Variants in MARCHF1 observed in about 807,000 individuals in gnomAD.
MARCHF1 encodes the protein E3 ubiquitin-protein ligase MARCHF1.
A neutral mutation model predicts 54.2 loss-of-function variants in MARCHF1; 40 were observed. That is an observed-to-expected ratio of 0.74 (90% CI 0.57 to 0.96). MARCHF1 has a LOEUF of 0.96. Among genes scored for constraint, MARCHF1 ranks in the 40% least tolerant of loss-of-function variants. The pLI, the probability that MARCHF1 is intolerant of heterozygous loss-of-function variation, is 0.00. For synonymous variants in MARCHF1, 236 were observed against 236.3 expected (o/e 1.00, Z 0.01); for missense variants, 586 against 656.5 (o/e 0.89, Z 1.17).
intron 5 of MARCHF1, among the ~76,000 whole-genome samples, chr4:163,650,192 T>C (rs2111067182): frequency 6.6e-6 from 1 of 151,998 alleles, no homozygotes; most frequent in South Asian, 2.1e-4. Flanking sequence ...TGTATGGAAA[T>C]CTCTATAACT....
intron 2 of MARCHF1, among the ~76,000 whole-genome samples, chr4:164,005,305 T>C (rs1390877039): frequency 6.6e-6 from 1 of 152,156 alleles, no homozygotes; most frequent in Non-Finnish European, 1.5e-5. Flanking sequence ...AAATTAATAA[T>C]TTAAAACTTT....
chr4:163,917,449 G>A (rs772854041), intron 3 of MARCHF1, among the ~76,000 whole-genome samples: 2 of 151,928 alleles, frequency 1.3e-5, no homozygotes, highest in African/African-American at 2.4e-5. Context: ...CCAGATTTTG[G>A]CCTTTCTAAT....
chr4:163,962,574 C>T (rs1231474120), intron 3 of MARCHF1, among the ~76,000 whole-genome samples: 1 of 151,832 alleles, frequency 6.6e-6, no homozygotes, highest in African/African-American at 2.4e-5. Flanking sequence ...TGTACTACAA[C>T]TGTGAAGGAA....
chr4:164,140,275 T>C (rs1756498566), intron 1 of MARCHF1, among the ~76,000 whole-genome samples: 1 of 148,522 alleles, frequency 6.7e-6, no homozygotes, highest in African/African-American at 2.5e-5. Context: ...CTGACCCAAT[T>C]GTCCTATAGA....
chr4:163,756,013 T>G (rs1176625699), intron 4 of MARCHF1, among the ~76,000 whole-genome samples: 2 of 152,262 alleles, frequency 1.3e-5, no homozygotes, highest in Non-Finnish European at 2.9e-5. Context: ...TTATATAATT[T>G]GACCTTGCCC....
intron 3 of MARCHF1, among the ~76,000 whole-genome samples, chr4:163,935,702 C>CTTTTTTTT (rs34331599): frequency 4.8e-5 from 6 of 125,700 alleles, no homozygotes; most frequent in South Asian, 2.5e-4. Context: ...TGCTTGCTTT[C>CTTTTTTTT]TTTTTTTTTT....
chr4:163,858,223 G>A (rs1749824064), intron 3 of MARCHF1, among the ~76,000 whole-genome samples: 1 of 152,128 alleles, frequency 6.6e-6, no homozygotes, highest in Non-Finnish European at 1.5e-5. Flanking sequence ...TGGCAGCCCT[G>A]CTGGGCTGAT....
chr4:164,071,655 C>T (rs1754869522), intron 2 of MARCHF1, among the ~76,000 whole-genome samples: 1 of 151,986 alleles, frequency 6.6e-6, no homozygotes, highest in South Asian at 2.1e-4. Context: ...TGTTCTGTTC[C>T]TTTGAGATGT....
intron 2 of MARCHF1, among the ~76,000 whole-genome samples, chr4:164,076,926 A>T (rs996014798): frequency 1.3e-5 from 2 of 152,342 alleles, no homozygotes; most frequent in East Asian, 3.9e-4. Flanking sequence ...GGATAGGAAG[A>T]ATCAGTATCG....
At chr4:163,768,842 C>T (rs1021879372) in intron 4 of MARCHF1, among the ~76,000 whole-genome samples, 2 of 152,138 alleles carry the variant, frequency 1.3e-5, no homozygotes, top group African/African-American at 4.8e-5. Context: ...AATCATTCAA[C>T]ATAGGGGGAT....
intron 1 of MARCHF1, among the ~76,000 whole-genome samples, chr4:164,227,259 G>A (rs1377423465): frequency 6.6e-6 from 1 of 152,018 alleles, no homozygotes; most frequent in African/African-American, 2.4e-5. Context: ...TCAAGCAGAG[G>A]AAATGCCAGA....
chr4:164,054,253 A>G (rs1263407407), intron 2 of MARCHF1, among the ~76,000 whole-genome samples: 1 of 151,998 alleles, frequency 6.6e-6, no homozygotes, highest in Non-Finnish European at 1.5e-5. Context: ...TAGAATGGCA[A>G]TCATTAAAAA....
chr4:164,061,672 A>G (rs1298115105), intron 2 of MARCHF1, among the ~76,000 whole-genome samples: 1 of 151,874 alleles, frequency 6.6e-6, no homozygotes, highest in Non-Finnish European at 1.5e-5. Context: ...CCTAAAACTT[A>G]AAGTATAATA....
At chr4:164,193,009 C>A (rs556177035) in intron 1 of MARCHF1, among the ~76,000 whole-genome samples, 1 of 152,252 alleles carries the variant, frequency 6.6e-6, no homozygotes, top group African/African-American at 2.4e-5. Context: ...TTGCCAAATG[C>A]CTACACCTGT....
intron 4 of MARCHF1, among the ~76,000 whole-genome samples, chr4:163,812,148 T>G (rs943286754): frequency 6.6e-6 from 1 of 152,054 alleles, no homozygotes; most frequent in Non-Finnish European, 1.5e-5. Context: ...ATGGGCTTTC[T>G]TGGGTCCCCA....
At chr4:163,986,364 A>G (rs1384518092) in intron 3 of MARCHF1, among the ~76,000 whole-genome samples, 1 of 144,680 alleles carries the variant, frequency 6.9e-6, no homozygotes, top group East Asian at 2.2e-4. Flanking sequence ...TCCCGGGTTC[A>G]CGCCATTCTC....
chr4:163,621,277 C>T (rs970939053), intron 5 of MARCHF1, among the ~76,000 whole-genome samples: 7 of 152,184 alleles, frequency 4.6e-5, no homozygotes, highest in Non-Finnish European at 7.4e-5. Context: ...AGACCAGTAA[C>T]TCTCAATCCT....
At chr4:164,147,423 C>CA (rs1312723358) in intron 1 of MARCHF1, among the ~76,000 whole-genome samples, 3 of 134,386 alleles carry the variant, frequency 2.2e-5, no homozygotes, top group African/African-American at 9.8e-5. Flanking sequence ...GGAACTAACC[C>CA]AAATGTCCAA....
chr4:163,767,189 T>A (rs1459513229), intron 4 of MARCHF1, among the ~76,000 whole-genome samples: 1 of 151,638 alleles, frequency 6.6e-6, no homozygotes, highest in Non-Finnish European at 1.5e-5. Flanking sequence ...TTTTAGAAAT[T>A]TCACTCATTC....
Sources: allele counts gnomAD v4.1 joint callset (sites outside exome capture counted in the v4.1 genomes callset), GRCh38; gene constraint gnomAD v4.1.1; transcripts MANE v1.5; gene names NCBI Gene and HGNC (gene_info 2026-07-23, HGNC 2026-07-21).